ANOS1: variants seen among roughly 807,000 people sequenced by gnomAD.
ANOS1 encodes the protein anosmin-1.
In ANOS1, 6 loss-of-function variants were observed where a neutral mutation model predicts 59.0. The observed-to-expected ratio is 0.10, with a 90% confidence interval of 0.06 to 0.20. The LOEUF is 0.20. Among genes scored for constraint, ANOS1 ranks in the 10% least tolerant of loss-of-function variants. The pLI is 1.00. For missense variants in ANOS1, 433 were observed against 542.3 expected (o/e 0.80, Z 2.00); for synonymous variants, 217 against 223.4 (o/e 0.97, Z 0.25).
At chrX:8,711,519 T>C (rs996098846) in intron 1 of ANOS1, among the ~76,000 whole-genome samples, 3 of 112,848 alleles carry the variant, frequency 2.7e-5, no homozygotes, top group African/African-American at 9.6e-5. Flanking sequence ...ATGAATAATG[T>C]CTTTACAAGA....
At chrX:8,584,950 A>G (rs1429796370) in intron 6 of ANOS1, among the ~76,000 whole-genome samples, 3 of 111,949 alleles carry the variant, frequency 2.7e-5, no homozygotes, top group South Asian at 7.4e-4. Context: ...TTGAAAATCA[A>G]TTGAATGGTG....
chrX:8,576,632 CT>C (rs1351388624), intron 6 of ANOS1, among the ~76,000 whole-genome samples: 1 of 110,038 alleles, frequency 9.1e-6, no homozygotes, highest in Non-Finnish European at 1.9e-5. Flanking sequence ...CTTATTTCAC[CT>C]TTTTTTAACT....
intron 1 of ANOS1, among the ~76,000 whole-genome samples, chrX:8,731,160 A>T (rs934261165): frequency 1.8e-5 from 2 of 112,072 alleles, no homozygotes; most frequent in Non-Finnish European, 3.8e-5. Context: ...TTCTTCCCTG[A>T]CGCTCTACGC....
chrX:8,729,472 C>T (rs1386795915), intron 1 of ANOS1, among the ~76,000 whole-genome samples: 1 of 84,176 alleles, frequency 1.2e-5, no homozygotes, highest in Non-Finnish European at 2.2e-5. Flanking sequence ...GATCTCGGCT[C>T]ACTGCAACCG....
chrX:8,568,254 T>C lies in ANOS1; in HGVS notation c.1185A>G (p.Thr395=), dbSNP rs1417379727. 1.7e-6 allele frequency: 2 copies of C among 1,209,201 alleles called. No individual in the cohort carries two copies. Among genetic ancestry groups the C allele is most frequent in the Non-Finnish European group, 2.2e-6 (2 of 894,819 alleles). The change falls in exon 8 of 14, where the codon ACA becomes ACG. Residue 395 remains threonine (T), a synonymous_variant. Coordinates refer to ENST00000262648, the MANE Select transcript of ANOS1 (RefSeq NM_000216.4). ...TACTGTTGTTGGTTGCATGTGTCGA[T>C]GTGAAGTGAAGGGACACCTTTGCAC... ...LKSAKVSLHF[T]STHATNNKEQ...
intron 2 of ANOS1, among the ~76,000 whole-genome samples, chrX:8,646,725 G>A (rs1222985983): frequency 9.1e-6 from 1 of 109,360 alleles, no homozygotes; most frequent in Non-Finnish European, 1.9e-5. Context: ...TTGAGGTCAG[G>A]AGTTCAAGAC....
chrX:8,553,702 A>G (rs1234211795), intron 9 of ANOS1, among the ~76,000 whole-genome samples: 2 of 111,965 alleles, frequency 1.8e-5, no homozygotes, highest in African/African-American at 3.2e-5. Flanking sequence ...TGTTTTGGAT[A>G]TAACATCAGC....
At chrX:8,556,284 C>A (rs750716374) in intron 8 of ANOS1, among the ~76,000 whole-genome samples, 1 of 108,879 alleles carries the variant, frequency 9.2e-6, no homozygotes, top group Non-Finnish European at 1.9e-5. Flanking sequence ...GACAAGGATG[C>A]CCTCTCTCAC....
chrX:8,538,045 G>C (rs1469138044), intron 10 of ANOS1, among the ~76,000 whole-genome samples: 1 of 110,935 alleles, frequency 9.0e-6, no homozygotes, highest in Non-Finnish European at 1.9e-5. Flanking sequence ...GGTGACAGGA[G>C]ATGGGGTGCA....
At chrX:8,538,896 G>A (rs1459830528) in intron 10 of ANOS1, among the ~76,000 whole-genome samples, 2 of 111,997 alleles carry the variant, frequency 1.8e-5, no homozygotes, top group African/African-American at 6.5e-5. Context: ...TTTAGAAAAT[G>A]TTCAAAACAA....
In ANOS1 at chrX:8,534,335, T is replaced by C; in HGVS notation, c.1968A>G (p.Pro656=). ...CCCACTCACTGTGTGCTGAAGAGGG[T>C]GGGAGCTCCGGCGTCCGGAACGTCT... ...TIKTFRTPEL[P]PSSAHRSHLK... is the part of the protein sequence containing the mutation. The change falls in exon 13 of 14, where the codon CCA becomes CCG. Residue 656 remains proline, a synonymous_variant. Coordinates refer to ENST00000262648, the MANE Select transcript of ANOS1 (RefSeq NM_000216.4). 1 of 1,211,143 alleles carries C rather than the reference T, an allele frequency of 8.3e-7. No homozygotes were observed.
chrX:8,543,738 C>T (rs1929723256), intron 9 of ANOS1, among the ~76,000 whole-genome samples: 1 of 110,741 alleles, frequency 9.0e-6, no homozygotes, highest in Non-Finnish European at 1.9e-5. Flanking sequence ...GTGGCACATG[C>T]TTGTAATCCC....
chrX:8,578,626 T>C lies in ANOS1; in HGVS notation c.856+6641A>G, dbSNP rs748896475. ...CTTCCTTTTCCTTTGTAATGTATCCTATGCACATGGAGAAATAAGGAGAAA... is the reference window on the plus strand; with the variant it reads ...CTTCCTTTTCCTTTGTAATGTATCCCATGCACATGGAGAAATAAGGAGAAA... On this transcript the variant is annotated intron_variant, in intron 6 of 13. Coordinates refer to ENST00000262648, the MANE Select transcript of ANOS1 (RefSeq NM_000216.4). Among the ~76,000 whole-genome samples the C allele has an allele frequency of 2.9e-4, 33 of 112,309 alleles. No homozygotes were observed. In the South Asian group the frequency reaches 5.2e-3, roughly 18 times the overall value.
chrX:8,594,658 GTATATATATATATATATATATA>G (rs767812487), intron 4 of ANOS1, among the ~76,000 whole-genome samples: 723 of 33,549 alleles, frequency 0.022, 17 homozygotes, highest in African/African-American at 0.027. Flanking sequence ...ATATATATGT[GTATATATATATATATATATATA>G]TATATATATA....
At chrX:8,655,663 T>A (rs942254147) in intron 2 of ANOS1, among the ~76,000 whole-genome samples, 1 of 111,647 alleles carries the variant, frequency 9.0e-6, no homozygotes, top group Non-Finnish European at 1.9e-5. Flanking sequence ...CCTGGTCTAA[T>A]TTATCTCCTC....
intron 2 of ANOS1, among the ~76,000 whole-genome samples, chrX:8,663,445 C>T (rs1053641207): frequency 1.2e-4 from 13 of 110,999 alleles, no homozygotes; most frequent in African/African-American, 4.3e-4. Flanking sequence ...AACTGTGCCC[C>T]GAGGAGTTAA....
At position 8,545,728 on chromosome X, in the gene ANOS1, A is replaced by G. The variant is rs150692380; in HGVS notation, c.1355-5970T>C. Among the ~76,000 whole-genome samples, 558 of 112,025 alleles carry G rather than the reference A, an allele frequency of 5.0e-3. 5 individuals are homozygous for G. The highest frequency in any genetic ancestry group is 0.018 in the Middle Eastern group (4 of 218). ...CTGTCTCTGAAAAATTTTGAGTGAA[A>G]TGAATAGATTTGGGCTTTTAGGTCC... On this transcript the variant is annotated intron_variant, in intron 9 of 13. Coordinates refer to ENST00000262648, the MANE Select transcript of ANOS1 (RefSeq NM_000216.4).
At chrX:8,660,058 A>T in intron 2 of ANOS1, among the ~76,000 whole-genome samples, 2 of 112,170 alleles carry the variant, frequency 1.8e-5, no homozygotes, top group Middle Eastern at 9.2e-3. Flanking sequence ...CATCATGGAA[A>T]ACATGAACAA....
chrX:8,535,401 T>C (rs760941653), intron 12 of ANOS1, 190 bp downstream of exon 12: 1 of 455,700 alleles, frequency 2.2e-6, no homozygotes, highest in East Asian at 3.7e-5. Context: ...CAGCTTATGC[T>C]ACTTCTTAGC....
Sources: gnomAD v4.1 joint callset for allele counts (sites outside exome capture counted in the v4.1 genomes callset) on GRCh38, gnomAD v4.1.1 for gene constraint, MANE v1.5 for transcripts, NCBI Gene and HGNC (gene_info 2026-07-23, HGNC 2026-07-21) for gene names.